LHX4: variants seen among roughly 807,000 people sequenced by gnomAD.
LHX4 encodes LIM/homeobox protein Lhx4.
LHX4 carries 16 observed loss-of-function variants against 39.2 expected under a neutral mutation model. The ratio of observed to expected loss-of-function variants is 0.41; its 90% confidence interval spans 0.28 to 0.62. The LOEUF is 0.62. LHX4 is among the 20% of genes least tolerant of loss of function. The pLI is 0.33. For synonymous variants in LHX4, 206 were observed against 198.1 expected (o/e 1.04, Z -0.33); for missense variants, 439 against 511.9 (o/e 0.86, Z 1.37).
At chr1:180,229,535 T>C (rs1269264779), upstream of LHX4, among the ~76,000 whole-genome samples, 1 of 151,814 alleles carries the variant, frequency 6.6e-6, no homozygotes, top group East Asian at 1.9e-4. Context: ...GTACGGGCTG[T>C]CCCTTGGCCC....
chr1:180,245,220 T>C (rs1307419927), intron 1 of LHX4, among the ~76,000 whole-genome samples: 1 of 152,114 alleles, frequency 6.6e-6, no homozygotes. Context: ...AGAAACCCGC[T>C]CCCCCTTGCC....
Position 180,230,642 on chromosome 1 carries a change from C to G in LHX4, c.76+37C>G, listed in dbSNP as rs778625975. ...CCCTTTCTCGCTGATTTAATTCTAACAAGACAGCTAGCAGCCTCAGCCGCT... is the reference window on the plus strand; with the variant it reads ...CCCTTTCTCGCTGATTTAATTCTAAGAAGACAGCTAGCAGCCTCAGCCGCT... On this transcript the variant is annotated intron_variant, in intron 1 of 5. Transcript: ENST00000263726. The surrounding 1 kb of genome is among the most constrained non-coding windows in gnomAD (Gnocchi z 5.8). The G allele has an allele frequency of 1.1e-5, 18 of 1,574,788 alleles. No individual in the cohort carries two copies. Among genetic ancestry groups the G allele is most frequent in the Non-Finnish European group, 1.6e-5 (18 of 1,145,686 alleles).
intron 2 of LHX4, among the ~76,000 whole-genome samples, chr1:180,260,710 C>T (rs1398621139): frequency 1.3e-5 from 2 of 151,802 alleles, no homozygotes; most frequent in Admixed American, 6.5e-5. Flanking sequence ...CCTGGCCACC[C>T]CAGCACTGCA....
rs1380511552 is a variant in LHX4, at chr1:180,278,433, C to T, written c.*3854C>T. 1 of 152,106 alleles carries T rather than the reference C, an allele frequency of 6.6e-6. No homozygotes were observed. Among genetic ancestry groups the T allele is most frequent in the Non-Finnish European group, 1.5e-5 (1 of 68,028 alleles). The allele number at this position is 152,106 out of a possible 1,614,324, so 9.4% of individuals were successfully genotyped here. ...TGACTGGAGCCAAAAAGAGAGAGCT[C>T]AGCAAAGCCATCCCATCCACACTCT... is the stretch of plus-strand genomic sequence containing the variant. On this transcript the variant is annotated 3_prime_UTR_variant, in exon 6 of 6. Transcript: ENST00000263726.
chr1:180,260,196 C>T (rs990063549), intron 2 of LHX4, among the ~76,000 whole-genome samples: 4 of 151,686 alleles, frequency 2.6e-5, no homozygotes, highest in African/African-American at 9.8e-5. Flanking sequence ...GCAGGGCCCA[C>T]TCTGCACAGG....
intron 2 of LHX4, among the ~76,000 whole-genome samples, chr1:180,260,513 C>T (rs77651116): frequency 6.6e-6 from 1 of 151,726 alleles, no homozygotes; most frequent in Non-Finnish European, 1.5e-5. Flanking sequence ...AGGCGGAGCT[C>T]AGGTGCAGAG....
chr1:180,230,403 C>T lies in LHX4; in HGVS notation c.-127C>T, dbSNP rs1664148116. The T allele has an allele frequency of 1.2e-6, 1 of 804,702 alleles. No homozygotes were observed. The highest frequency in any genetic ancestry group is 2.1e-6 in the Non-Finnish European group (1 of 481,198). The allele number at this position is 804,702 out of a possible 1,614,324, so 49.8% of individuals were successfully genotyped here. On this transcript the variant is annotated 5_prime_UTR_variant, in exon 1 of 6. Transcript: ENST00000263726. This position sits in a 1 kb window ranked among gnomAD's most constrained non-coding sequence, Gnocchi z 5.8. ...GAGTCCTCCCTGAGAAGCGGAGGGC[C>T]CGGCTTCCACCGTGACTCCAGCGGC... is the stretch of plus-strand genomic sequence containing the variant.
chr1:180,244,587 T>C (rs551014788), intron 1 of LHX4, among the ~76,000 whole-genome samples: 7 of 152,330 alleles, frequency 4.6e-5, no homozygotes, highest in African/African-American at 1.7e-4. Flanking sequence ...CTGCTCAAAA[T>C]AAATTTTATG....
intron 2 of LHX4, among the ~76,000 whole-genome samples, chr1:180,252,996 G>T (rs891211680): frequency 6.6e-6 from 1 of 151,940 alleles, no homozygotes; most frequent in Non-Finnish European, 1.5e-5. Flanking sequence ...TTTTCCAAAC[G>T]AAATAAAATT....
Position 180,274,667 on chromosome 1 carries a change from G to A in LHX4, c.*88G>A, listed in dbSNP as rs1648919687. 7.2e-7 allele frequency: 1 copy of A among 1,396,826 alleles called. No homozygotes were observed. Among genetic ancestry groups the A allele is most frequent in the Non-Finnish European group, 9.6e-7 (1 of 1,040,472 alleles). The allele number at this position is 1,396,826 out of a possible 1,614,324, so 86.5% of individuals were successfully genotyped here. Reference sequence around the variant, plus strand: ...GAGACTTGCCTTTTAAGGATCGAAAGTACGCCAATGTGAATTTCCATTATT... The same window carrying A: ...GAGACTTGCCTTTTAAGGATCGAAAATACGCCAATGTGAATTTCCATTATT... On this transcript the variant is annotated 3_prime_UTR_variant, in exon 6 of 6. Coordinates refer to ENST00000263726, the MANE Select transcript of LHX4 (RefSeq NM_033343.4).
At chr1:180,229,501 C>G (rs1318282678), upstream of LHX4, among the ~76,000 whole-genome samples, 4 of 152,182 alleles carry the variant, frequency 2.6e-5, no homozygotes, top group Non-Finnish European at 2.9e-5. Flanking sequence ...CCGCCCGCCG[C>G]GTGACTCGCG....
intron 2 of LHX4, among the ~76,000 whole-genome samples, chr1:180,250,429 C>G (rs28457118): frequency 0.34 from 51,106 of 151,886 alleles, 9,015 homozygotes; most frequent in Non-Finnish European, 0.38. Flanking sequence ...CGGCAGGTGG[C>G]AGGGCCTAGC....
rs545006399 is a variant in LHX4, at chr1:180,277,452, C to T, written c.*2873C>T. The T allele has an allele frequency of 5.9e-5, 9 of 152,198 alleles. No individual in the cohort carries two copies. Among genetic ancestry groups the T allele is most frequent in the African/African-American group, 2.2e-4 (9 of 41,512 alleles). The allele number at this position is 152,198 out of a possible 1,614,324, so 9.4% of individuals were successfully genotyped here. A position where few individuals can be genotyped will look rare whatever the true frequency, so the allele number is the denominator to read the frequency against. On this transcript the variant is annotated 3_prime_UTR_variant, in exon 6 of 6. Coordinates refer to ENST00000263726, the MANE Select transcript of LHX4 (RefSeq NM_033343.4). ...CCATTATCTGCAGTGCCTGGCTGGT[C>T]GACTTTAGAGTAGGAAGCTCTTGAA...
chr1:180,266,629 G>A lies in LHX4; in HGVS notation c.451+35G>A, dbSNP rs1303975245. ...ATGGCCCCGCATGGTCCCCTCTCCA[G>A]GCCTTTGTTTGGGCCACGCCCTCTG... On this transcript the variant is annotated intron_variant, in intron 3 of 5. Transcript: ENST00000263726. This position sits in a 1 kb window ranked among gnomAD's most constrained non-coding sequence, Gnocchi z 5.7. 3 of 1,604,222 alleles carry A rather than the reference G, an allele frequency of 1.9e-6. No individual in the cohort carries two copies. Among genetic ancestry groups the A allele is most frequent in the Non-Finnish European group, 2.6e-6 (3 of 1,174,068 alleles).
At chr1:180,241,896 C>A (rs1011915548) in intron 1 of LHX4, among the ~76,000 whole-genome samples, 13 of 152,132 alleles carry the variant, frequency 8.5e-5, no homozygotes, top group African/African-American at 3.1e-4. Flanking sequence ...TGGCTCACTG[C>A]AGCCTTGGAC....
chr1:180,262,292 AAAAAAAAAGG>A (rs1282430238), intron 2 of LHX4, among the ~76,000 whole-genome samples: 4 of 151,630 alleles, frequency 2.6e-5, no homozygotes, highest in African/African-American at 9.7e-5. Flanking sequence ...AAAAAAAAAA[AAAAAAAAAGG>A]AAAAACAGCA....
At chr1:180,249,191 A>G (rs531486866) in intron 2 of LHX4, among the ~76,000 whole-genome samples, 2 of 152,274 alleles carry the variant, frequency 1.3e-5, no homozygotes, top group Non-Finnish European at 2.9e-5. Context: ...AAATAAGTCT[A>G]TTTATGCATC....
rs747545300 is a variant in LHX4, at chr1:180,232,744, T to C, written c.76+2139T>C. On this transcript the variant is annotated intron_variant, in intron 1 of 5. Coordinates refer to ENST00000263726, the MANE Select transcript of LHX4 (RefSeq NM_033343.4). This position sits in a 1 kb window ranked among gnomAD's most constrained non-coding sequence, Gnocchi z 5.4. ...ATCTGGCCTCTGGCTGTTAGGCTGT[T>C]GGTGCTGGGACCGCGGGATAGGTCC... Among the ~76,000 whole-genome samples, 76 of 152,246 alleles carry C rather than the reference T, an allele frequency of 5.0e-4. 1 individual carries two copies. The highest frequency in any genetic ancestry group is 9.8e-4 in the Non-Finnish European group (67 of 68,040).
chr1:180,267,739 G>A (rs188906370), intron 3 of LHX4, among the ~76,000 whole-genome samples: 53 of 152,324 alleles, frequency 3.5e-4, no homozygotes, highest in African/African-American at 1.3e-3. Flanking sequence ...ACAATTTTAT[G>A]TATCTCCTTC....
Sources: allele counts gnomAD v4.1 joint callset (sites outside exome capture counted in the v4.1 genomes callset), GRCh38; gene constraint gnomAD v4.1.1; non-coding constraint Gnocchi (gnomAD v3.1); transcripts MANE v1.5; gene names NCBI Gene and HGNC (gene_info 2026-07-23, HGNC 2026-07-21).